DGKG: variants seen among roughly 807,000 people sequenced by gnomAD.
The protein encoded by DGKG is DAG kinase gamma.
A neutral mutation model predicts 105.3 loss-of-function variants in DGKG; 78 were observed. The observed-to-expected ratio is 0.74, with a 90% confidence interval of 0.62 to 0.89. The LOEUF is 0.89. Ranked by LOEUF, DGKG falls within the 40% of genes least tolerant of loss-of-function variation. The pLI is 0.00. For missense variants in DGKG, 958 were observed against 1,020.1 expected, an observed-to-expected ratio of 0.94 and a Z score of 0.83; for synonymous variants, 346 against 367.1, an observed-to-expected ratio of 0.94 and a Z score of 0.66.
At chr3:186,152,805 AG>A (rs1715828835) in intron 24 of DGKG, among the ~76,000 whole-genome samples, 1 of 152,108 alleles carries the variant, frequency 6.6e-6, no homozygotes, top group Non-Finnish European at 1.5e-5. Flanking sequence ...CTGGGACTAC[AG>A]GTGCTTATCA....
chr3:186,261,624 T>C (rs1721779897), intron 15 of DGKG, 75 bp downstream of exon 15: 4 of 1,039,882 alleles, frequency 3.8e-6, no homozygotes, highest in African/African-American at 1.6e-5. Context: ...CAGCCTGCTG[T>C]GTTCCTGCCA....
At chr3:186,247,504 A>C (rs1449842898) in intron 19 of DGKG, among the ~76,000 whole-genome samples, 1 of 152,218 alleles carries the variant, frequency 6.6e-6, no homozygotes, top group East Asian at 1.9e-4. Flanking sequence ...GATCATCATA[A>C]GGAAGTAAAA....
intron 1 of DGKG, among the ~76,000 whole-genome samples, chr3:186,323,544 A>G (rs1234345216): frequency 6.6e-6 from 1 of 152,206 alleles, no homozygotes; most frequent in Admixed American, 6.5e-5. Flanking sequence ...CTGTAATCCC[A>G]TCACTTTAGG....
intron 20 of DGKG, 115 bp from the exon 21 acceptor site, chr3:186,212,000 AT>A (rs1719061210): frequency 6.6e-6 from 5 of 763,332 alleles, no homozygotes; most frequent in Admixed American, 4.3e-5. Context: ...CCAATCTTAC[AT>A]TTTCAGCACT....
chr3:186,329,998 A>G (rs1725526236), intron 1 of DGKG, among the ~76,000 whole-genome samples: 1 of 152,224 alleles, frequency 6.6e-6, no homozygotes, highest in African/African-American at 2.4e-5. Flanking sequence ...GACACTAGAA[A>G]AATGATTCTC....
chr3:186,186,767 C>A (rs1426258698), intron 22 of DGKG, among the ~76,000 whole-genome samples: 1 of 152,186 alleles, frequency 6.6e-6, no homozygotes, highest in African/African-American at 2.4e-5. Context: ...ACCCGTGAGC[C>A]CACAGGGGAA....
chr3:186,158,799 A>G, intron 24 of DGKG: 3 of 914,000 alleles, frequency 3.3e-6, no homozygotes, highest in Non-Finnish European at 1.3e-6. Context: ...TGATTCTGTT[A>G]TTAAATATCT....
At chr3:186,223,686 G>A (rs1416872044) in intron 20 of DGKG, among the ~76,000 whole-genome samples, 1 of 152,168 alleles carries the variant, frequency 6.6e-6, no homozygotes, top group Non-Finnish European at 1.5e-5. Context: ...GACCCTGCCA[G>A]CAAAATCCTT....
chr3:186,222,866 T>C (rs1719656989), intron 20 of DGKG, among the ~76,000 whole-genome samples: 1 of 150,726 alleles, frequency 6.6e-6, no homozygotes, highest in Admixed American at 6.6e-5. Context: ...TATTCTGAGC[T>C]GCTTGGGAGG....
At chr3:186,344,475 C>T (rs1402962261) in intron 1 of DGKG, among the ~76,000 whole-genome samples, 1 of 152,108 alleles carries the variant, frequency 6.6e-6, no homozygotes, top group East Asian at 1.9e-4. Flanking sequence ...AGCAAAGTAA[C>T]GCAGGAACAG....
intron 5 of DGKG, among the ~76,000 whole-genome samples, chr3:186,293,908 G>A (rs1723424378): frequency 1.4e-5 from 2 of 140,444 alleles, no homozygotes; most frequent in African/African-American, 5.3e-5. Flanking sequence ...GACATCTGTG[G>A]AAGAGGGCCT....
intron 7 of DGKG, chr3:186,281,007 C>T: frequency 5.5e-6 from 2 of 362,194 alleles, no homozygotes; most frequent in East Asian, 4.7e-5. Context: ...CCTTCCTTCC[C>T]TTATTCTGTG....
chr3:186,196,163 A>T (rs1718171820), intron 21 of DGKG, among the ~76,000 whole-genome samples: 1 of 135,812 alleles, frequency 7.4e-6, no homozygotes. Context: ...TTTAAGACTG[A>T]GTCTCACTCT....
chr3:186,314,173 G>GCACACACACACA (rs3221277), intron 2 of DGKG, among the ~76,000 whole-genome samples: 2 of 139,574 alleles, frequency 1.4e-5, no homozygotes, highest in East Asian at 4.4e-4. Context: ...ATACATATCT[G>GCACACACACACA]CACACACACA....
chr3:186,321,383 C>T (rs1725067830), intron 1 of DGKG, among the ~76,000 whole-genome samples: 1 of 152,092 alleles, frequency 6.6e-6, no homozygotes, highest in African/African-American at 2.4e-5. Flanking sequence ...GAGATGGAGT[C>T]GAAAACACTA....
intron 21 of DGKG, among the ~76,000 whole-genome samples, chr3:186,191,843 T>C (rs957455654): frequency 1.3e-5 from 2 of 152,200 alleles, no homozygotes; most frequent in African/African-American, 4.8e-5. Context: ...TGCTGTCACA[T>C]TGATTGAAAA....
At chr3:186,194,211 A>G (rs1358486846) in intron 21 of DGKG, among the ~76,000 whole-genome samples, 1 of 152,258 alleles carries the variant, frequency 6.6e-6, no homozygotes, top group African/African-American at 2.4e-5. Context: ...AGACAAGGTT[A>G]GGAGGCAAAG....
chr3:186,177,397 T>G (rs1015121399), intron 22 of DGKG, among the ~76,000 whole-genome samples: 3 of 152,212 alleles, frequency 2.0e-5, no homozygotes, highest in Admixed American at 2.0e-4. Flanking sequence ...GCATTTCATC[T>G]TGTTCATTCA....
rs371636458 is a variant in DGKG, at chr3:186,311,957, A to G, written c.68-4980T>C. On this transcript the variant is annotated intron_variant, in intron 2 of 24. Transcript: ENST00000265022. ...AGGTGAAACCCCGTCTCTACTAAAA[A>G]TACAAAAAATTAGCCGGGCGCGGTG... Among the ~76,000 whole-genome samples, 3 of 140,048 alleles carry G rather than the reference A, an allele frequency of 2.1e-5. No homozygotes were observed. In the South Asian group the frequency reaches 6.6e-4, roughly 31 times the overall value. 91.9% of individuals were successfully genotyped at this position (140,048 alleles called of 152,430 possible).
Sources: allele counts gnomAD v4.1 joint callset (sites outside exome capture counted in the v4.1 genomes callset), GRCh38; gene constraint gnomAD v4.1.1; transcripts MANE v1.5; gene names NCBI Gene and HGNC (gene_info 2026-07-23, HGNC 2026-07-21).